Variants in TBC1D22A observed in about 807,000 individuals in gnomAD.
The protein encoded by TBC1D22A is putative GTPase activator.
Under a neutral mutation model 60.2 loss-of-function variants are expected in TBC1D22A, and 38 were observed. The ratio of observed to expected loss-of-function variants is 0.63; its 90% CI spans 0.49 to 0.83. The LOEUF is 0.83. TBC1D22A is among the 40% of genes least tolerant of loss of function. The pLI, the probability that TBC1D22A is intolerant of heterozygous loss-of-function variation, is 0.00. For missense variants in TBC1D22A, 628 were observed against 701.0 expected (o/e 0.90, Z 1.18); for synonymous variants, 302 against 281.7 (o/e 1.07, Z -0.72).
chr22:47,131,574 C>T (rs919795669), intron 12 of TBC1D22A, among the ~76,000 whole-genome samples: 4 of 151,348 alleles, frequency 2.6e-5, no homozygotes, highest in African/African-American at 9.9e-5. Context: ...TCTACCCCTG[C>T]TGCTGGAGCA....
chr22:47,015,832 G>A (rs1296650935), intron 10 of TBC1D22A, among the ~76,000 whole-genome samples: 1 of 152,182 alleles, frequency 6.6e-6, no homozygotes, highest in Non-Finnish European at 1.5e-5. Context: ...GCCTTACGCT[G>A]CCCTATGTAG....
At chr22:47,069,287 T>G (rs1569415464) in intron 11 of TBC1D22A, among the ~76,000 whole-genome samples, 1 of 152,260 alleles carries the variant, frequency 6.6e-6, no homozygotes, top group Non-Finnish European at 1.5e-5. Flanking sequence ...ATATTTTTGT[T>G]GCAAACATGA....
intron 12 of TBC1D22A, among the ~76,000 whole-genome samples, chr22:47,133,237 A>T (rs763558122): frequency 9.2e-5 from 14 of 152,244 alleles, no homozygotes; most frequent in Non-Finnish European, 1.9e-4. Context: ...GCCAGTTTTC[A>T]GTTAAATGAA....
chr22:47,087,907 C>T (rs1254923338), intron 11 of TBC1D22A, among the ~76,000 whole-genome samples: 1 of 151,708 alleles, frequency 6.6e-6, no homozygotes. Flanking sequence ...AACCCCATCT[C>T]TACTAAAAAT....
At chr22:46,890,674 G>A (rs1203500029) in intron 5 of TBC1D22A, among the ~76,000 whole-genome samples, 2 of 152,142 alleles carry the variant, frequency 1.3e-5, no homozygotes, top group Non-Finnish European at 1.5e-5. Context: ...CAGGCTCTTC[G>A]TGACCTCCTT....
intron 8 of TBC1D22A, among the ~76,000 whole-genome samples, chr22:46,929,923 G>A (rs1369326539): frequency 6.6e-6 from 1 of 152,172 alleles, no homozygotes; most frequent in Admixed American, 6.5e-5. Context: ...CCCTATGTGT[G>A]TGTGGACCCC....
chr22:47,050,434 A>G (rs2063171025), intron 11 of TBC1D22A, among the ~76,000 whole-genome samples: 1 of 152,254 alleles, frequency 6.6e-6, no homozygotes, highest in African/African-American at 2.4e-5. Flanking sequence ...ATTTAATTCC[A>G]AAAGTTTCCC....
At chr22:46,917,626 G>A (rs1345099677) in intron 8 of TBC1D22A, among the ~76,000 whole-genome samples, 1 of 152,208 alleles carries the variant, frequency 6.6e-6, no homozygotes, top group Non-Finnish European at 1.5e-5. Context: ...GGCAGTGATT[G>A]AGTAGAAGAG....
At chr22:46,921,001 C>G (rs1389570800) in intron 8 of TBC1D22A, among the ~76,000 whole-genome samples, 1 of 151,854 alleles carries the variant, frequency 6.6e-6, no homozygotes. Context: ...GAACTCCTGA[C>G]CTCAAGTGAT....
intron 4 of TBC1D22A, among the ~76,000 whole-genome samples, chr22:46,816,133 T>C (rs1365007772): frequency 6.6e-6 from 1 of 152,188 alleles, no homozygotes; most frequent in Non-Finnish European, 1.5e-5. Context: ...GAGCCTGCCC[T>C]GGACCTCCTG....
At chr22:47,153,109 C>A (rs1339521325) in intron 12 of TBC1D22A, among the ~76,000 whole-genome samples, 1 of 152,150 alleles carries the variant, frequency 6.6e-6, no homozygotes, top group East Asian at 1.9e-4. Context: ...CTCAGAGGCA[C>A]CTCGTGGCCT....
At chr22:47,021,028 C>G (rs1005201815) in intron 10 of TBC1D22A, among the ~76,000 whole-genome samples, 1 of 152,226 alleles carries the variant, frequency 6.6e-6, no homozygotes, top group Non-Finnish European at 1.5e-5. Flanking sequence ...AGGAGTGAAT[C>G]CTGCCTGCAA....
At chr22:46,841,605 A>G (rs904483648) in intron 4 of TBC1D22A, among the ~76,000 whole-genome samples, 1 of 152,248 alleles carries the variant, frequency 6.6e-6, no homozygotes, top group African/African-American at 2.4e-5. Context: ...GAAGATATTC[A>G]TCATCTTCCT....
chr22:46,934,263 G>C (rs1887912790), intron 8 of TBC1D22A, among the ~76,000 whole-genome samples: 1 of 152,222 alleles, frequency 6.6e-6, no homozygotes, highest in African/African-American at 2.4e-5. Flanking sequence ...TGAGAGTTAT[G>C]TGTTTATCAA....
chr22:47,106,955 C>G (rs2065659582), intron 11 of TBC1D22A, among the ~76,000 whole-genome samples: 1 of 151,996 alleles, frequency 6.6e-6, no homozygotes, highest in Admixed American at 6.5e-5. Context: ...AAACAAAAAA[C>G]AAAAGTCACA....
chr22:47,006,679 C>G (rs538165400), intron 10 of TBC1D22A, among the ~76,000 whole-genome samples: 3 of 152,314 alleles, frequency 2.0e-5, no homozygotes, highest in Non-Finnish European at 2.9e-5. Flanking sequence ...GCTCTAGTGG[C>G]GGTTGCACCC....
At chr22:47,020,215 G>A (rs1191952919) in intron 10 of TBC1D22A, among the ~76,000 whole-genome samples, 1 of 152,150 alleles carries the variant, frequency 6.6e-6, no homozygotes, top group Non-Finnish European at 1.5e-5. Context: ...GGCCACTAAT[G>A]TGCTGCCCCT....
intron 7 of TBC1D22A, among the ~76,000 whole-genome samples, chr22:46,898,546 C>T (rs1447677931): frequency 1.3e-5 from 2 of 151,240 alleles, no homozygotes; most frequent in Non-Finnish European, 2.9e-5. Context: ...TTTTTTTTAA[C>T]CTAAAACGAC....
chr22:46,861,048 C>T (rs1234936532), intron 4 of TBC1D22A, among the ~76,000 whole-genome samples: 1 of 152,136 alleles, frequency 6.6e-6, no homozygotes, highest in Non-Finnish European at 1.5e-5. Flanking sequence ...GTCTCTGCCT[C>T]CCGGGTTCAA....
Sources: gnomAD v4.1 joint callset for allele counts (sites outside exome capture counted in the v4.1 genomes callset) on GRCh38, gnomAD v4.1.1 for gene constraint, MANE v1.5 for transcripts, NCBI Gene and HGNC (gene_info 2026-07-23, HGNC 2026-07-21) for gene names.